The following PRSS57 variants were observed in gnomAD, a reference collection of about 807,000 sequenced individuals.
The protein encoded by PRSS57 is serine protease 57.
A neutral mutation model predicts 20.6 loss-of-function variants in PRSS57; 19 were observed. The ratio of observed to expected loss-of-function variants is 0.92; its 90% CI spans 0.64 to 1.35. The LOEUF is 1.35. PRSS57 is among the 40% of genes most tolerant of loss of function. The pLI is 0.00. For synonymous variants in PRSS57, 203 were observed against 176.6 expected (o/e 1.15, Z -1.19); for missense variants, 440 against 403.7 (o/e 1.09, Z -0.77).
At chr19:692,427 C>CTTTTTT (rs200740826) in intron 2 of PRSS57, among the ~76,000 whole-genome samples, 1 of 98,828 alleles carries the variant, frequency 1.0e-5, no homozygotes, top group East Asian at 2.5e-4. Flanking sequence ...TTCCTTTTTT[C>CTTTTTT]TTTTTTTTTT....
At chr19:688,930 C>G (rs1281904710) in intron 3 of PRSS57, among the ~76,000 whole-genome samples, 2 of 152,166 alleles carry the variant, frequency 1.3e-5, no homozygotes, top group Admixed American at 6.6e-5. Flanking sequence ...CTCCTCCACA[C>G]AGGGCAGGGG....
intron 2 of PRSS57, among the ~76,000 whole-genome samples, chr19:693,588 C>T (rs967156444): frequency 5.9e-5 from 9 of 151,420 alleles, no homozygotes; most frequent in African/African-American, 4.8e-5. Context: ...TTTTTTTTTC[C>T]GACAGAATCT....
intron 4 of PRSS57, 115 bp downstream of exon 4, chr19:686,810 C>A: frequency 7.5e-7 from 1 of 1,326,686 alleles, no homozygotes. Flanking sequence ...TCAGCTTCTC[C>A]GTCTGGTCCA....
At chr19:686,393 G>A (rs986183944) in intron 4 of PRSS57, among the ~76,000 whole-genome samples, 6 of 151,920 alleles carry the variant, frequency 3.9e-5, no homozygotes, top group East Asian at 1.9e-4. Context: ...TCTAGAATCC[G>A]CTCTGATACC....
In PRSS57 at chr19:694,880, T is replaced by A; in HGVS notation, c.167A>T (p.His56Leu). ...YMASVRFGGQ[H>L]HCGGFLLRAR... ...TCGCAGCAGGAAGCCTCCGCAGTGATGTTGGCCCCCGAAGCGCACGGATGC... is the reference window on the plus strand; with the variant it reads ...TCGCAGCAGGAAGCCTCCGCAGTGAAGTTGGCCCCCGAAGCGCACGGATGC... The change falls in exon 2 of 5, where the codon CAT becomes CTT. Residue 56 changes from histidine to leucine, a missense_variant. Physicochemically the swap from His to Leu is moderately conservative, Grantham distance 99. Coordinates refer to ENST00000329267, the MANE Select transcript of PRSS57 (RefSeq NM_001308209.2). 5 of 1,605,500 alleles carry A rather than the reference T, an allele frequency of 3.1e-6. No homozygotes were observed. Among genetic ancestry groups the A allele is most frequent in the Non-Finnish European group, 4.2e-6 (5 of 1,176,768 alleles).
chr19:686,778 A>ATGC (rs2031485016), intron 4 of PRSS57, 147 bp downstream of exon 4: 1 of 1,019,260 alleles, frequency 9.8e-7, no homozygotes, highest in Admixed American at 2.6e-5. Flanking sequence ...GACCCTTGCC[A>ATGC]ACTCCCTGCC....
rs1319728190 is a variant in PRSS57 at position 685,908 on chromosome 19, C to T, written c.657G>A (p.Gly219=). ...RRGFCSADSG[G]PLVCRNRAHG... is the part of the protein sequence containing the mutation. ...GAGCCCGGTTCCTGCACACCAGGGGCCCTCCGGAGTCGGCCTGGAGTGAAA... is the reference window on the plus strand; with the variant it reads ...GAGCCCGGTTCCTGCACACCAGGGGTCCTCCGGAGTCGGCCTGGAGTGAAA... Residue 219 remains glycine, a synonymous_variant, in exon 5 of 5, where the codon GGG becomes GGA. Coordinates refer to ENST00000329267, the MANE Select transcript of PRSS57 (RefSeq NM_001308209.2). The T allele has an allele frequency of 3.2e-6, 5 of 1,545,080 alleles. No homozygotes were observed. Among genetic ancestry groups the T allele is most frequent in the Non-Finnish European group, 4.4e-6 (5 of 1,143,888 alleles).
At position 693,903 on chromosome 19, in the gene PRSS57, C is replaced by T. The variant is rs1256326831; in HGVS notation, c.233+911G>A. Among the ~76,000 whole-genome samples the T allele has an allele frequency of 2.0e-5, 3 of 152,092 alleles. No individual in the cohort carries two copies. In the East Asian group the frequency reaches 5.8e-4, roughly 29 times the overall value. ...TACAGGCGCCTGCCACCACATCCGG[C>T]TAATTTTTTTGTATTTTTAGTAGAG... On this transcript the variant is annotated intron_variant, in intron 2 of 4. Coordinates refer to ENST00000329267, the MANE Select transcript of PRSS57 (RefSeq NM_001308209.2).
At chr19:690,058 A>G (rs2031598270) in intron 3 of PRSS57, among the ~76,000 whole-genome samples, 1 of 144,942 alleles carries the variant, frequency 6.9e-6, no homozygotes, top group African/African-American at 2.6e-5. Context: ...GTCTCAAAAA[A>G]TAGGCCAGGA....
At chr19:686,880 G>C (rs564041176) in intron 4 of PRSS57, 45 bp downstream of exon 4, 37 of 1,581,148 alleles carry the variant, frequency 2.3e-5, no homozygotes, top group Middle Eastern at 1.7e-4. Flanking sequence ...TGTGGGCCTT[G>C]GTTTCCCCAC....
intron 3 of PRSS57, among the ~76,000 whole-genome samples, chr19:689,898 C>T (rs921402777): frequency 1.3e-5 from 2 of 152,114 alleles, no homozygotes; most frequent in Admixed American, 6.5e-5. Context: ...ACTAAAAATA[C>T]AAAAATTAGC....
At chr19:694,424 C>T (rs573968514) in intron 2 of PRSS57, among the ~76,000 whole-genome samples, 13 of 151,752 alleles carry the variant, frequency 8.6e-5, no homozygotes, top group African/African-American at 3.1e-4. Flanking sequence ...AAAAATTAGC[C>T]AGGTGTGGTG....
At chr19:694,707 C>G in intron 2 of PRSS57, 107 bp downstream of exon 2, 1 of 1,284,054 alleles carries the variant, frequency 7.8e-7, no homozygotes, top group Admixed American at 2.7e-5. Context: ...TGCTGAGACT[C>G]CCCCTCCTGC....
chr19:690,062 G>A (rs1444802330), intron 3 of PRSS57, among the ~76,000 whole-genome samples: 2 of 142,546 alleles, frequency 1.4e-5, no homozygotes, highest in African/African-American at 5.4e-5. Flanking sequence ...CAAAAAATAG[G>A]CCAGGATTGG....
Position 695,438 on chromosome 19 carries a change from G to T in PRSS57, c.-8C>A, listed in dbSNP as rs2031764059. The T allele has an allele frequency of 1.4e-5, 17 of 1,252,662 alleles. No homozygotes were observed. Among genetic ancestry groups the T allele is most frequent in the Non-Finnish European group, 1.7e-5 (17 of 991,334 alleles). 77.6% of individuals were successfully genotyped at this position (1,252,662 alleles called of 1,614,324 possible). On this transcript the variant is annotated 5_prime_UTR_variant, in exon 1 of 5. Coordinates refer to ENST00000329267, the MANE Select transcript of PRSS57 (RefSeq NM_001308209.2). ...CCTCAACCCGAGCCCCATGGCAGAC[G>T]CAGGCTGGCGTCTCCCCGCAGAGGT...
At chr19:687,581 AT>A (rs991666381) in intron 3 of PRSS57, among the ~76,000 whole-genome samples, 6 of 151,822 alleles carry the variant, frequency 4.0e-5, no homozygotes, top group Admixed American at 3.9e-4. Context: ...TAATTTTGGT[AT>A]TTTAGTAGAG....
intron 2 of PRSS57, among the ~76,000 whole-genome samples, chr19:694,074 C>T (rs2031722643): frequency 6.6e-6 from 1 of 151,684 alleles, no homozygotes; most frequent in African/African-American, 2.4e-5. Context: ...CAGAGTTTCA[C>T]CATGTTGGCC....
chr19:692,059 G>A (rs1053097478), intron 2 of PRSS57, 57 bp from the exon 3 acceptor site: 4 of 1,255,046 alleles, frequency 3.2e-6, no homozygotes, highest in African/African-American at 1.5e-5. Flanking sequence ...CCTGGGCCTC[G>A]GTCCACTCAT....
chr19:689,629 C>T (rs926988487), intron 3 of PRSS57, among the ~76,000 whole-genome samples: 1 of 152,154 alleles, frequency 6.6e-6, no homozygotes, highest in Non-Finnish European at 1.5e-5. Context: ...TCTTTAAAAC[C>T]TAAGTCAGGC....
Sources: allele counts gnomAD v4.1 joint callset (sites outside exome capture counted in the v4.1 genomes callset), GRCh38; gene constraint gnomAD v4.1.1; transcripts MANE v1.5; gene names NCBI Gene and HGNC (gene_info 2026-07-23, HGNC 2026-07-21).